The following STXBP4 variants were observed in gnomAD, a reference collection of about 807,000 sequenced individuals.
STXBP4 encodes the protein syntaxin-binding protein 4.
Under a neutral mutation model 76.1 loss-of-function variants are expected in STXBP4, and 55 were observed. The ratio of observed to expected loss-of-function variants is 0.72; its 90% CI spans 0.58 to 0.91. STXBP4 has a LOEUF of 0.91. Among genes scored for constraint, STXBP4 ranks in the 40% least tolerant of loss-of-function variants. The pLI is 0.00. For synonymous variants in STXBP4, 201 were observed against 220.2 expected, an observed-to-expected ratio of 0.91 and a Z score of 0.77; for missense variants, 618 against 636.9, an observed-to-expected ratio of 0.97 and a Z score of 0.32.
At chr17:54,983,022 T>A (rs560830268) in intron 1 of STXBP4, among the ~76,000 whole-genome samples, 16 of 152,352 alleles carry the variant, frequency 1.1e-4, no homozygotes, top group Admixed American at 9.8e-4. Context: ...ACATACTTTC[T>A]GTATGACTTA....
chr17:55,110,397 G>A (rs781381680), intron 16 of STXBP4, among the ~76,000 whole-genome samples: 5 of 152,164 alleles, frequency 3.3e-5, no homozygotes, highest in African/African-American at 4.8e-5. Context: ...ATCACAGAGA[G>A]TTAGGAGGAA....
intron 16 of STXBP4, among the ~76,000 whole-genome samples, chr17:55,137,022 C>T (rs1266987180): frequency 6.6e-6 from 1 of 151,926 alleles, no homozygotes; most frequent in Non-Finnish European, 1.5e-5. Context: ...CATGCTAACC[C>T]CCTAAGCTAG....
At chr17:55,046,662 G>A (rs1485019928) in intron 11 of STXBP4, among the ~76,000 whole-genome samples, 1 of 151,778 alleles carries the variant, frequency 6.6e-6, no homozygotes, top group Non-Finnish European at 1.5e-5. Flanking sequence ...CCAAGAATAA[G>A]CTAAAATTAA....
chr17:55,092,362 A>G (rs2628295), intron 16 of STXBP4, among the ~76,000 whole-genome samples: 45,512 of 130,616 alleles, frequency 0.35, 7,102 homozygotes, highest in South Asian at 0.4. Flanking sequence ...AAATATTTCT[A>G]TTAACAGTAA....
chr17:55,212,262 A>ATAAACTCTATCAGAG, the STXBP4 span, among the ~76,000 whole-genome samples: 2 of 151,992 alleles, frequency 1.3e-5, no homozygotes, highest in African/African-American at 2.4e-5. Flanking sequence ...TCCCTGGACT[A>ATAAACTCTATCAGAG]TAGGGTCATG....
chr17:55,205,670 TA>T, the STXBP4 span, among the ~76,000 whole-genome samples: 4 of 151,968 alleles, frequency 2.6e-5, no homozygotes, highest in Non-Finnish European at 5.9e-5. Flanking sequence ...CTCATTGTAT[TA>T]AAAAAATCTG....
chr17:54,982,172 AT>A (rs1305274780), intron 1 of STXBP4, among the ~76,000 whole-genome samples: 9 of 152,188 alleles, frequency 5.9e-5, no homozygotes, highest in African/African-American at 2.2e-4. Flanking sequence ...GGCAGAAGAT[AT>A]TTTTATCCCT....
the STXBP4 span, among the ~76,000 whole-genome samples, chr17:55,186,683 G>A: frequency 6.6e-6 from 1 of 152,152 alleles, no homozygotes; most frequent in Admixed American, 6.5e-5. Flanking sequence ...GTGGTGCATG[G>A]TCTTTGGAGA....
intron 16 of STXBP4, among the ~76,000 whole-genome samples, chr17:55,133,124 T>G (rs1598340145): frequency 6.6e-6 from 1 of 151,708 alleles, no homozygotes; most frequent in Non-Finnish European, 1.5e-5. Flanking sequence ...CCAGTTAGAG[T>G]GCTATCAGAA....
intron 10 of STXBP4, among the ~76,000 whole-genome samples, chr17:55,036,243 A>T (rs1033216071): frequency 6.6e-6 from 1 of 151,926 alleles, no homozygotes; most frequent in African/African-American, 2.4e-5. Flanking sequence ...TTCCATGAAA[A>T]ATTTTGCTCT....
intron 16 of STXBP4, among the ~76,000 whole-genome samples, chr17:55,103,554 C>G (rs1038604650): frequency 7.4e-5 from 11 of 149,594 alleles, no homozygotes; most frequent in African/African-American, 2.7e-4. Context: ...AGTTTGAAGT[C>G]AGGTAGCATG....
Position 54,968,830 on chromosome 17 carries a change from T to C in STXBP4, c.-157+15T>C. 1.6e-6 allele frequency: 1 copy of C among 628,108 alleles called. No individual in the cohort carries two copies. The highest frequency in any genetic ancestry group is 2.8e-6 in the Non-Finnish European group (1 of 361,976). 38.9% of individuals were successfully genotyped at this position (628,108 alleles called of 1,614,324 possible). On this transcript the variant is annotated intron_variant, in intron 1 of 17. Coordinates refer to ENST00000376352, the MANE Select transcript of STXBP4 (RefSeq NM_178509.6). ...CCAGATTACGGGTAAGTTTGCGTTTTGCTTTGTGACTGTTACTCCCACTTC... is the reference window on the plus strand; with the variant it reads ...CCAGATTACGGGTAAGTTTGCGTTTCGCTTTGTGACTGTTACTCCCACTTC...
rs2145205287 is a variant in STXBP4 at position 55,164,709 on chromosome 17, C to A, written c.*4798C>A. The A allele has an allele frequency of 6.6e-6, 1 of 152,122 alleles. No individual in the cohort carries two copies. The highest frequency in any genetic ancestry group is 1.9e-4 in the East Asian group (1 of 5,178). The allele number at this position is 152,122 out of a possible 1,614,324, so 9.4% of individuals were successfully genotyped here. A position where few individuals can be genotyped will look rare whatever the true frequency, so the allele number is the denominator to read the frequency against. On this transcript the variant is annotated 3_prime_UTR_variant, in exon 18 of 18. Transcript: ENST00000376352. ...CCTCATGATCCACCCGCCTCGGCCT[C>A]CCAAAGTGCTGGGATTACAGGCGTG...
At chr17:55,029,690 A>C (rs955186221) in intron 8 of STXBP4, among the ~76,000 whole-genome samples, 13 of 151,850 alleles carry the variant, frequency 8.6e-5, no homozygotes, top group Admixed American at 4.6e-4. Flanking sequence ...TTCTTCTTTC[A>C]TTGTTCCCAA....
At chr17:55,185,251 C>CTTCTCCTT in the STXBP4 span, among the ~76,000 whole-genome samples, 3 of 49,330 alleles carry the variant, frequency 6.1e-5, no homozygotes, top group African/African-American at 2.4e-4. Flanking sequence ...TTCTTCTTCT[C>CTTCTCCTT]CTTCTCCTTC....
chr17:55,018,406 T>A (rs2144611412), intron 8 of STXBP4, among the ~76,000 whole-genome samples: 1 of 152,240 alleles, frequency 6.6e-6, no homozygotes, highest in South Asian at 2.1e-4. Context: ...GCTCCAGCCA[T>A]AACAAACACA....
At chr17:54,988,991 C>A (rs375752729) in intron 3 of STXBP4, among the ~76,000 whole-genome samples, 1 of 152,140 alleles carries the variant, frequency 6.6e-6, no homozygotes, top group Non-Finnish European at 1.5e-5. Flanking sequence ...AAAAAAATTT[C>A]TTCTTTTTAG....
At chr17:55,139,018 T>C (rs2080065710) in intron 16 of STXBP4, among the ~76,000 whole-genome samples, 1 of 152,156 alleles carries the variant, frequency 6.6e-6, no homozygotes. Flanking sequence ...ACACTTATTT[T>C]CTCAGAACAG....
intron 8 of STXBP4, among the ~76,000 whole-genome samples, chr17:55,013,261 T>A (rs1386569941): frequency 6.6e-6 from 1 of 152,242 alleles, no homozygotes; most frequent in Non-Finnish European, 1.5e-5. Flanking sequence ...TTTTCTGTGA[T>A]GTATAAAGAA....
Sources: allele counts gnomAD v4.1 joint callset (sites outside exome capture counted in the v4.1 genomes callset), GRCh38; gene constraint gnomAD v4.1.1; transcripts MANE v1.5; gene names NCBI Gene and HGNC (gene_info 2026-07-23, HGNC 2026-07-21).